Variants in VPS13B observed in about 807,000 individuals in gnomAD.
VPS13B encodes intermembrane lipid transfer protein VPS13B.
VPS13B carries 285 observed loss-of-function variants against 426.4 expected under a neutral mutation model. The observed-to-expected ratio is 0.67, with a 90% CI of 0.61 to 0.74. The LOEUF (loss-of-function observed/expected upper bound fraction) is 0.74. Among genes scored for constraint, VPS13B ranks in the 30% least tolerant of loss-of-function variants. VPS13B has a pLI of 0.00. For synonymous variants in VPS13B, 1,676 were observed against 1,676.4 expected (o/e 1.00, Z 0.01); for missense variants, 4,537 against 4,782.6 (o/e 0.95, Z 1.51).
At chr8:99,682,169 A>G (rs1831181824) in intron 35 of VPS13B, among the ~76,000 whole-genome samples, 1 of 152,176 alleles carries the variant, frequency 6.6e-6, no homozygotes. Flanking sequence ...GATTTTTCCT[A>G]AAATATTTAG....
At chr8:99,843,830 A>C (rs1289667977) in intron 54 of VPS13B, among the ~76,000 whole-genome samples, 1 of 151,788 alleles carries the variant, frequency 6.6e-6, no homozygotes, top group Non-Finnish European at 1.5e-5. Context: ...AGTCTCTTTT[A>C]CTCCAGGTTT....
chr8:99,743,151 CA>C, intron 39 of VPS13B, among the ~76,000 whole-genome samples: 1 of 152,158 alleles, frequency 6.6e-6, no homozygotes, highest in East Asian at 1.9e-4. Flanking sequence ...AATCACTGTG[CA>C]AAAATCACAA....
intron 36 of VPS13B, among the ~76,000 whole-genome samples, chr8:99,705,906 A>C (rs1832478774): frequency 6.6e-6 from 1 of 152,124 alleles, no homozygotes; most frequent in Non-Finnish European, 1.5e-5. Flanking sequence ...CAACAAACTT[A>C]GGATATCAGA....
chr8:99,774,537 A>G lies in VPS13B; in HGVS notation c.7248-2238A>G, dbSNP rs76216491. 9.7e-3 allele frequency among the ~76,000 whole-genome samples: 1,475 copies of G among 152,330 alleles called. 12 individuals carry two copies. Among genetic ancestry groups the G allele is most frequent in the South Asian group, 0.024 (117 of 4,828 alleles). The stretch of plus-strand genomic sequence containing the variant: ...GAGATAGAAAAATAAATCTTGGAAA[A>G]TATCAGAGTGTCAAAAACTATAATT... On this transcript the variant is annotated intron_variant, in intron 40 of 61. Coordinates refer to ENST00000357162, the MANE Select transcript of VPS13B (RefSeq NM_152564.5).
intron 30 of VPS13B, among the ~76,000 whole-genome samples, chr8:99,551,286 A>G (rs1428434550): frequency 1.3e-5 from 2 of 152,090 alleles, no homozygotes; most frequent in Non-Finnish European, 2.9e-5. Context: ...TCTATGTTGT[A>G]TAATGTAATG....
intron 6 of VPS13B, among the ~76,000 whole-genome samples, chr8:99,111,502 TG>T (rs1295327953): frequency 2.0e-5 from 3 of 152,014 alleles, no homozygotes; most frequent in South Asian, 2.1e-4. Context: ...TTTCTGTAAT[TG>T]TTTTTTTTTA....
At chr8:99,499,188 A>G (rs1436807052) in intron 25 of VPS13B, among the ~76,000 whole-genome samples, 1 of 152,154 alleles carries the variant, frequency 6.6e-6, no homozygotes, top group Non-Finnish European at 1.5e-5. Context: ...CAGCATCTCC[A>G]TTTCCGGCCT....
intron 24 of VPS13B, 73 bp downstream of exon 24, chr8:99,467,707 A>G: frequency 3.4e-6 from 5 of 1,488,310 alleles, no homozygotes; most frequent in Non-Finnish European, 4.6e-6. Flanking sequence ...CATTTTGTTG[A>G]AGGGTTTCTC....
chr8:99,242,085 A>G (rs1816962757), intron 17 of VPS13B, among the ~76,000 whole-genome samples: 1 of 152,014 alleles, frequency 6.6e-6, no homozygotes, highest in Admixed American at 6.6e-5. Flanking sequence ...GGTTCACGCT[A>G]TTCGCCTGCC....
At chr8:99,123,053 G>A (rs1368315846) in intron 8 of VPS13B, among the ~76,000 whole-genome samples, 12 of 149,586 alleles carry the variant, frequency 8.0e-5, no homozygotes, top group East Asian at 2.0e-4. Flanking sequence ...CCCGGGAGGT[G>A]GAGGTTGTGG....
intron 34 of VPS13B, among the ~76,000 whole-genome samples, chr8:99,647,718 T>A (rs1829646649): frequency 6.6e-6 from 1 of 151,946 alleles, no homozygotes; most frequent in Admixed American, 6.6e-5. Context: ...CACAAAAAAA[T>A]TCAGGCACAG....
At chr8:99,125,364 T>C (rs1848144922) in intron 8 of VPS13B, among the ~76,000 whole-genome samples, 2 of 152,194 alleles carry the variant, frequency 1.3e-5, no homozygotes. Flanking sequence ...CCTTCCACAT[T>C]CTTCTGCCTG....
intron 56 of VPS13B, among the ~76,000 whole-genome samples, chr8:99,856,363 G>A (rs149609576): frequency 1.3e-5 from 2 of 152,324 alleles, no homozygotes; most frequent in East Asian, 3.9e-4. Context: ...TAGGAAATGG[G>A]AAGATGCTGG....
chr8:99,527,325 A>G (rs1822703076), intron 30 of VPS13B, among the ~76,000 whole-genome samples: 2 of 152,188 alleles, frequency 1.3e-5, no homozygotes, highest in South Asian at 2.1e-4. Context: ...CATCTGATCC[A>G]GTAGAAAACA....
chr8:99,832,475 G>C lies in VPS13B; in HGVS notation c.9437G>C (p.Ser3146Thr). 6.2e-7 allele frequency: 1 copy of C among 1,611,796 alleles called. No homozygotes were observed. The highest frequency in any genetic ancestry group is 8.5e-7 in the Non-Finnish European group (1 of 1,179,612). Reference sequence around the variant, plus strand: ...TGCTGGGACTTGATGCCTGACATCAGTCAGTCAGTACTGGATGCATCCCTG... The same window carrying C: ...TGCTGGGACTTGATGCCTGACATCACTCAGTCAGTACTGGATGCATCCCTG... ...LPCWDLMPDISQSVLDASLLQ... is the reference protein window; with the variant it reads ...LPCWDLMPDITQSVLDASLLQ... The change falls in exon 52 of 62, where the codon AGT becomes ACT. Residue 3146 changes from serine (S) to threonine (T), a missense_variant. Around this residue, in one of 2 missense-constraint regions of VPS13B, gnomAD observed 4,311 missense variants for 4,474.3 expected, o/e 0.96. Transcript: ENST00000357162.
intron 16 of VPS13B, among the ~76,000 whole-genome samples, chr8:99,183,303 G>A (rs1588121223): frequency 6.6e-6 from 1 of 152,120 alleles, no homozygotes; most frequent in Admixed American, 6.5e-5. Flanking sequence ...GTTTATATAG[G>A]TTAATGGGGT....
intron 15 of VPS13B, among the ~76,000 whole-genome samples, chr8:99,164,084 G>A (rs1365679387): frequency 6.6e-6 from 1 of 152,176 alleles, no homozygotes; most frequent in Admixed American, 6.5e-5. Flanking sequence ...CTTCAGAGGG[G>A]AACTCTCCAG....
intron 17 of VPS13B, among the ~76,000 whole-genome samples, chr8:99,198,986 G>A (rs141081660): frequency 2.6e-4 from 39 of 152,078 alleles, no homozygotes; most frequent in East Asian, 2.3e-3. Flanking sequence ...ATTATTTTGC[G>A]TCTGAGGACT....
chr8:99,376,050 A>G (rs1311173772), intron 19 of VPS13B, among the ~76,000 whole-genome samples: 1 of 152,196 alleles, frequency 6.6e-6, no homozygotes, highest in Non-Finnish European at 1.5e-5. Context: ...GTAACTGCAA[A>G]TGACAGTGGC....
Sources: gnomAD v4.1 joint callset for allele counts (sites outside exome capture counted in the v4.1 genomes callset) on GRCh38, gnomAD v4.1.1 for gene constraint, gnomAD v4.1.1 regional missense constraint, MANE v1.5 for transcripts, NCBI Gene and HGNC (gene_info 2026-07-23, HGNC 2026-07-21) for gene names.